HTR1F: variants seen among roughly 807,000 people sequenced by gnomAD.
HTR1F encodes 5-hydroxytryptamine (serotonin) receptor 1F, G protein-coupled.
HTR1F carries 17 observed loss-of-function variants against 24.0 expected under a neutral mutation model. The ratio of observed to expected loss-of-function variants is 0.71; its 90% CI spans 0.48 to 1.06. The LOEUF (loss-of-function observed/expected upper bound fraction) is 1.06, where lower values mean the gene tolerates loss of function less well. Among genes scored for constraint, HTR1F ranks in the 50% least tolerant of loss-of-function variants. The probability of loss-of-function intolerance (pLI) is 0.00; values close to 1 mark genes in which losing one functional copy is unlikely to be tolerated. For synonymous variants in HTR1F, 186 were observed against 156.8 expected, an observed-to-expected ratio of 1.19 and a Z score of -1.39; for missense variants, 391 against 427.8, an observed-to-expected ratio of 0.91 and a Z score of 0.76.
chr3:87,816,254 A>C (rs1370672571), intron 1 of HTR1F, among the ~76,000 whole-genome samples: 1 of 152,072 alleles, frequency 6.6e-6, no homozygotes, highest in Admixed American at 6.5e-5. Context: ...TTTGACCATG[A>C]CTTACAGAAA....
chr3:87,878,391 A>T (rs1705716409), intron 2 of HTR1F, among the ~76,000 whole-genome samples: 1 of 152,222 alleles, frequency 6.6e-6, no homozygotes, highest in Non-Finnish European at 1.5e-5. Flanking sequence ...GTATGTGTGA[A>T]ATGTCCAATT....
rs553923788 is a variant in HTR1F, at chr3:87,887,131, C to T, written c.-43+65007C>T. Reference sequence around the variant, plus strand: ...TGGGACTGATACCAAAACAAACATACAGACCAATGGAACAGAACAGAGGCC... The same window carrying T: ...TGGGACTGATACCAAAACAAACATATAGACCAATGGAACAGAACAGAGGCC... On this transcript the variant is annotated intron_variant, in intron 2 of 2. Transcript: ENST00000319595. Among the ~76,000 whole-genome samples, 805 of 152,054 alleles carry T rather than the reference C, an allele frequency of 5.3e-3. 6 individuals are homozygous for T. The highest frequency in any genetic ancestry group is 0.018 in the African/African-American group (762 of 41,510).
At chr3:87,987,655 T>A (rs1432108804) in intron 2 of HTR1F, among the ~76,000 whole-genome samples, 2 of 90,060 alleles carry the variant, frequency 2.2e-5, no homozygotes, top group African/African-American at 3.8e-5. Flanking sequence ...TATATATATA[T>A]ATAAAAATAT....
At chr3:87,848,006 T>G (rs183644934) in intron 2 of HTR1F, among the ~76,000 whole-genome samples, 6 of 152,098 alleles carry the variant, frequency 3.9e-5, no homozygotes, top group South Asian at 2.1e-4. Context: ...ATATGCTGAT[T>G]TATTTTCCTT....
At chr3:87,967,578 T>C (rs1432389419) in intron 2 of HTR1F, among the ~76,000 whole-genome samples, 5 of 45,954 alleles carry the variant, frequency 1.1e-4, no homozygotes, top group South Asian at 1.8e-3. Flanking sequence ...TGGGAGGTAA[T>C]TGAATCATGG....
intron 2 of HTR1F, among the ~76,000 whole-genome samples, chr3:87,888,154 T>C (rs1705999116): frequency 6.6e-6 from 1 of 151,926 alleles, no homozygotes; most frequent in Non-Finnish European, 1.5e-5. Flanking sequence ...AAAAGATGAG[T>C]TCATGTCCTT....
rs1197867260 is a variant in HTR1F, at chr3:87,992,724, T to C, written c.*874T>C. On this transcript the variant is annotated 3_prime_UTR_variant, in exon 3 of 3. Transcript: ENST00000319595. ...CATCTTTTTAAAAGTATAAAATGTA[T>C]TTCATTTCTGTTAATAAGCTCAGTT... The C allele has an allele frequency of 3.6e-5, 6 of 166,986 alleles. No individual in the cohort carries two copies. Among genetic ancestry groups the C allele is most frequent in the African/African-American group, 1.4e-4 (6 of 41,444 alleles). 10.3% of individuals were successfully genotyped at this position (166,986 alleles called of 1,614,324 possible). A position where few individuals can be genotyped will look rare whatever the true frequency, so the allele number is the denominator to read the frequency against.
chr3:87,847,217 TAATG>T (rs527954906), intron 2 of HTR1F, among the ~76,000 whole-genome samples: 9 of 151,944 alleles, frequency 5.9e-5, no homozygotes, highest in African/African-American at 2.2e-4. Context: ...TTGTGAATAA[TAATG>T]GTGATGCTTT....
intron 2 of HTR1F, among the ~76,000 whole-genome samples, chr3:87,862,899 C>T (rs1705347759): frequency 6.6e-6 from 1 of 152,138 alleles, no homozygotes; most frequent in Non-Finnish European, 1.5e-5. Context: ...TCACTGCAAC[C>T]TCTGCCTCCT....
chr3:87,958,820 C>A (rs540946299), intron 2 of HTR1F, among the ~76,000 whole-genome samples: 5 of 151,516 alleles, frequency 3.3e-5, no homozygotes, highest in Non-Finnish European at 7.4e-5. Context: ...AGAGGTGTTC[C>A]CACAGGATCA....
intron 1 of HTR1F, among the ~76,000 whole-genome samples, chr3:87,818,004 T>A (rs1337834695): frequency 6.6e-6 from 1 of 152,192 alleles, no homozygotes; most frequent in African/African-American, 2.4e-5. Context: ...TTTTAAGATT[T>A]AATAAAAATA....
chr3:87,983,495 T>A (rs1461756564), intron 2 of HTR1F, among the ~76,000 whole-genome samples: 1 of 152,110 alleles, frequency 6.6e-6, no homozygotes, highest in Non-Finnish European at 1.5e-5. Flanking sequence ...CTAACTGCAA[T>A]CTCATCTTTT....
chr3:87,985,756 A>C (rs532334201), intron 2 of HTR1F, among the ~76,000 whole-genome samples: 5 of 152,332 alleles, frequency 3.3e-5, no homozygotes, highest in South Asian at 2.1e-4. Flanking sequence ...CAACCATCCC[A>C]GGCTATTTAC....
At chr3:87,842,914 T>C (rs1415863000) in intron 2 of HTR1F, among the ~76,000 whole-genome samples, 4 of 151,704 alleles carry the variant, frequency 2.6e-5, no homozygotes, top group Non-Finnish European at 5.9e-5. Flanking sequence ...CAGACACACA[T>C]TCAACTACAG....
At chr3:87,854,955 T>G (rs997257233) in intron 2 of HTR1F, among the ~76,000 whole-genome samples, 1 of 152,082 alleles carries the variant, frequency 6.6e-6, no homozygotes, top group Non-Finnish European at 1.5e-5. Context: ...TTGGTCGGGT[T>G]GCTTTATGTC....
chr3:87,950,709 T>A (rs1041443991), intron 2 of HTR1F, among the ~76,000 whole-genome samples: 8 of 152,168 alleles, frequency 5.3e-5, no homozygotes, highest in Middle Eastern at 3.2e-3. Flanking sequence ...GAGCTTTTAC[T>A]GCAAACAAAA....
At chr3:87,805,214 T>TA (rs1229007062) in intron 1 of HTR1F, among the ~76,000 whole-genome samples, 1 of 152,036 alleles carries the variant, frequency 6.6e-6, no homozygotes, top group Non-Finnish European at 1.5e-5. Flanking sequence ...TTTTTTTTTT[T>TA]ACCACTCTTC....
intron 2 of HTR1F, among the ~76,000 whole-genome samples, chr3:87,930,058 A>T (rs375709393): frequency 2.6e-5 from 4 of 151,632 alleles, no homozygotes; most frequent in East Asian, 3.9e-4. Flanking sequence ...TCCTTTTGAG[A>T]TTGCCTTTCT....
intron 2 of HTR1F, among the ~76,000 whole-genome samples, chr3:87,853,517 G>C (rs2107211791): frequency 6.6e-6 from 1 of 152,150 alleles, no homozygotes; most frequent in African/African-American, 2.4e-5. Context: ...TGTTAATAGT[G>C]CTGCAATGAA....
Sources: gnomAD v4.1 joint callset for allele counts (sites outside exome capture counted in the v4.1 genomes callset) on GRCh38, gnomAD v4.1.1 for gene constraint, MANE v1.5 for transcripts, NCBI Gene and HGNC (gene_info 2026-07-23, HGNC 2026-07-21) for gene names.